Variants in CCDC171 observed in about 807,000 individuals in gnomAD.
CCDC171 encodes the protein coiled-coil domain containing 171.
In CCDC171, 177 loss-of-function variants were observed where a neutral mutation model predicts 168.2. That is an observed-to-expected ratio of 1.05 (90% CI 0.93 to 1.19). The LOEUF (loss-of-function observed/expected upper bound fraction) is 1.19, where lower values mean the gene tolerates loss of function less well. Among genes scored for constraint, CCDC171 ranks in the 50% most tolerant of loss-of-function variants. The pLI, the probability that CCDC171 is intolerant of heterozygous loss-of-function variation, is 0.00. For missense variants in CCDC171, 1,991 were observed against 1,539.0 expected (o/e 1.29, Z -4.91); for synonymous variants, 687 against 540.8 (o/e 1.27, Z -3.75).
intron 7 of CCDC171, among the ~76,000 whole-genome samples, chr9:15,632,709 G>A (rs1328755206): frequency 6.6e-5 from 10 of 152,086 alleles, no homozygotes; most frequent in South Asian, 2.1e-4. Flanking sequence ...AGCCTGCATC[G>A]CCAAGTCAAT....
chr9:15,733,944 T>C (rs535108454), intron 16 of CCDC171, among the ~76,000 whole-genome samples: 1 of 152,250 alleles, frequency 6.6e-6, no homozygotes, highest in Admixed American at 6.5e-5. Flanking sequence ...ATTTTATTTT[T>C]AAAATTTTTT....
chr9:16,093,762 C>T, the CCDC171 span, among the ~76,000 whole-genome samples: 2 of 152,176 alleles, frequency 1.3e-5, no homozygotes, highest in Non-Finnish European at 2.9e-5. Context: ...AGCATGCCAG[C>T]TAACCAACAT....
At chr9:15,632,157 G>A (rs2045767415) in intron 7 of CCDC171, among the ~76,000 whole-genome samples, 1 of 149,968 alleles carries the variant, frequency 6.7e-6, no homozygotes, top group South Asian at 2.2e-4. Flanking sequence ...CATAGTGTTG[G>A]AAGTTCTGGC....
chr9:16,000,852 A>G (rs1832519895), intron 3 of CCDC171, among the ~76,000 whole-genome samples: 1 of 152,176 alleles, frequency 6.6e-6, no homozygotes, highest in South Asian at 2.1e-4. Flanking sequence ...TAATTTTAGC[A>G]ATAATGAGAC....
chr9:15,740,297 C>G (rs1051848371), intron 16 of CCDC171, among the ~76,000 whole-genome samples: 1 of 151,494 alleles, frequency 6.6e-6, no homozygotes, highest in African/African-American at 2.4e-5. Context: ...TTTAGTCTGT[C>G]TTTTTGCTAC....
chr9:15,659,222 A>G (rs533593363), intron 8 of CCDC171, among the ~76,000 whole-genome samples: 3 of 152,320 alleles, frequency 2.0e-5, no homozygotes, highest in African/African-American at 7.2e-5. Context: ...TATTCTCTCA[A>G]GCAACTGCCG....
At position 15,972,253 on chromosome 9, in the gene CCDC171, A is replaced by G. The variant is rs1252338965; in HGVS notation, c.*417A>G. The G allele has an allele frequency of 6.1e-6, 1 of 163,724 alleles. No homozygotes were observed. Among genetic ancestry groups the G allele is most frequent in the African/African-American group, 2.4e-5 (1 of 41,590 alleles). The allele number at this position is 163,724 out of a possible 1,614,324, so 10.1% of individuals were successfully genotyped here. ...GTATGCCAATGATTCCTGTCATTTC[A>G]TGGCAGCCCGGCCATGGTTCACTGA... On this transcript the variant is annotated 3_prime_UTR_variant, in exon 26 of 26. Transcript: ENST00000380701.
At chr9:15,961,531 C>T (rs1015046024) in intron 25 of CCDC171, among the ~76,000 whole-genome samples, 9 of 152,200 alleles carry the variant, frequency 5.9e-5, no homozygotes, top group Non-Finnish European at 1.2e-4. Flanking sequence ...GGTGTTTACT[C>T]AATGTAAAAC....
chr9:15,765,384 T>C (rs927052972), intron 18 of CCDC171, among the ~76,000 whole-genome samples: 1 of 151,870 alleles, frequency 6.6e-6, no homozygotes, highest in African/African-American at 2.4e-5. Context: ...ATCTTGATAA[T>C]GAGGGAAGGC....
chr9:15,559,634 G>A (rs1352867682), intron 1 of CCDC171, among the ~76,000 whole-genome samples: 2 of 152,050 alleles, frequency 1.3e-5, no homozygotes, highest in East Asian at 1.9e-4. Context: ...GTCTCTGCAC[G>A]TGAGATAGGT....
chr9:15,915,090 C>A (rs1177377400), intron 24 of CCDC171, among the ~76,000 whole-genome samples: 1 of 75,368 alleles, frequency 1.3e-5, no homozygotes, highest in Non-Finnish European at 3.6e-5. Context: ...TGTTCCTATT[C>A]AGACATCTTG....
intron 24 of CCDC171, among the ~76,000 whole-genome samples, chr9:15,905,195 C>T (rs1409320012): frequency 6.6e-6 from 1 of 152,186 alleles, no homozygotes; most frequent in Non-Finnish European, 1.5e-5. Context: ...ACAGAACTCT[C>T]CACCCCAAAT....
intron 16 of CCDC171, among the ~76,000 whole-genome samples, chr9:15,734,470 A>G (rs1162752264): frequency 6.6e-6 from 1 of 152,148 alleles, no homozygotes; most frequent in Non-Finnish European, 1.5e-5. Flanking sequence ...CCCAGGAGGC[A>G]GAGGTTGCAA....
At chr9:15,822,047 A>G (rs983718861) in intron 21 of CCDC171, among the ~76,000 whole-genome samples, 19 of 152,220 alleles carry the variant, frequency 1.2e-4, no homozygotes, top group Non-Finnish European at 2.1e-4. Context: ...CAACTATCTG[A>G]TCTTTGACAA....
At chr9:15,716,887 C>G (rs2053124982) in intron 11 of CCDC171, among the ~76,000 whole-genome samples, 1 of 152,156 alleles carries the variant, frequency 6.6e-6, no homozygotes. Flanking sequence ...AACACGTGAA[C>G]TTTGGAGGAC....
At chr9:15,958,388 A>G (rs1158810221) in intron 25 of CCDC171, among the ~76,000 whole-genome samples, 1 of 151,998 alleles carries the variant, frequency 6.6e-6, no homozygotes, top group Admixed American at 6.6e-5. Flanking sequence ...ATTAAATTTT[A>G]ACTAATGTAA....
chr9:16,054,454 G>A (rs1833801675), intron 1 of CCDC171, among the ~76,000 whole-genome samples: 1 of 152,040 alleles, frequency 6.6e-6, no homozygotes, highest in Admixed American at 6.5e-5. Flanking sequence ...AGCTAGATGG[G>A]GAGGGAGATT....
chr9:15,919,385 A>G (rs531769163), intron 24 of CCDC171, among the ~76,000 whole-genome samples: 1 of 151,644 alleles, frequency 6.6e-6, no homozygotes, highest in Non-Finnish European at 1.5e-5. Context: ...TTACAACCTT[A>G]AGATAGAATG....
At chr9:15,930,404 A>T (rs919501323) in intron 25 of CCDC171, among the ~76,000 whole-genome samples, 4 of 146,882 alleles carry the variant, frequency 2.7e-5, no homozygotes, top group Admixed American at 6.9e-5. Context: ...TACTTTTCCT[A>T]AAAAAAAAAG....
Sources: gnomAD v4.1 joint callset for allele counts (sites outside exome capture counted in the v4.1 genomes callset) on GRCh38, gnomAD v4.1.1 for gene constraint, MANE v1.5 for transcripts, NCBI Gene and HGNC (gene_info 2026-07-23, HGNC 2026-07-21) for gene names.